Variants in GNG4 observed in about 807,000 individuals in gnomAD.
The protein encoded by GNG4 is G protein subunit gamma 4.
A neutral mutation model predicts 5.8 loss-of-function variants in GNG4; 4 were observed. The observed-to-expected ratio is 0.69, with a 90% confidence interval of 0.34 to 1.57. The LOEUF is 1.57. GNG4 is among the 40% of genes most tolerant of loss of function. GNG4 has a pLI of 0.06. For missense variants in GNG4, 96 were observed against 95.1 expected, an observed-to-expected ratio of 1.01 and a Z score of -0.04; for synonymous variants, 29 against 32.9, an observed-to-expected ratio of 0.88 and a Z score of 0.41.
intron 3 of GNG4, among the ~76,000 whole-genome samples, chr1:235,565,299 G>A (rs866331793): frequency 6.6e-6 from 1 of 151,930 alleles, no homozygotes; most frequent in East Asian, 1.9e-4. Flanking sequence ...TCAGGAGTTC[G>A]AAACCAGCCT....
At position 235,623,812 on chromosome 1, in the gene GNG4, G is replaced by A. The variant is rs1047132742; in HGVS notation, c.-123+25850C>T. Among the ~76,000 whole-genome samples, 39 of 152,302 alleles carry A rather than the reference G, an allele frequency of 2.6e-4. 1 individual carries two copies. Among genetic ancestry groups the A allele is most frequent in the African/African-American group, 8.9e-4 (37 of 41,556 alleles). On this transcript the variant is annotated intron_variant, in intron 1 of 3. Transcript: ENST00000391854. ...TCCCCAGCAACCAGCAGCTGGGGTAGGAGAAAGACCTCCTCTTTCATGCAC... is the reference window on the plus strand; with the variant it reads ...TCCCCAGCAACCAGCAGCTGGGGTAAGAGAAAGACCTCCTCTTTCATGCAC...
In GNG4 at chr1:235,649,634, C is replaced by A. The variant is rs557305874; in HGVS notation, c.-123+28G>T. 2 of 152,288 alleles carry A rather than the reference C, an allele frequency of 1.3e-5. No homozygotes were observed. Among genetic ancestry groups the A allele is most frequent in the East Asian group, 3.9e-4 (2 of 5,166 alleles). 9.4% of individuals were successfully genotyped at this position (152,288 alleles called of 1,614,324 possible). On this transcript the variant is annotated intron_variant, in intron 1 of 3. Transcript: ENST00000391854. This position sits in a 1 kb window ranked among gnomAD's most constrained non-coding sequence, Gnocchi z 5.7. ...CGGGCTGGGCTCTCCCCGCGGACAC[C>A]CGGGGCTCCGGCCGGGCGCCCACTT... is the stretch of plus-strand genomic sequence containing the variant.
intron 3 of GNG4, among the ~76,000 whole-genome samples, chr1:235,556,005 T>G (rs968236235): frequency 6.6e-6 from 1 of 151,930 alleles, no homozygotes. Context: ...TAGCTGGGGT[T>G]ACAGGCTCCT....
chr1:235,597,257 T>C (rs1023803907), intron 1 of GNG4, among the ~76,000 whole-genome samples: 7 of 152,226 alleles, frequency 4.6e-5, no homozygotes, highest in African/African-American at 7.2e-5. Flanking sequence ...CCGACAAGAA[T>C]AAGCTGACAG....
intron 1 of GNG4, among the ~76,000 whole-genome samples, chr1:235,603,045 TC>T (rs1246541892): frequency 6.6e-6 from 1 of 151,948 alleles, no homozygotes; most frequent in Admixed American, 6.6e-5. Flanking sequence ...GAGTTCCAGA[TC>T]AGCCTGGCCA....
At chr1:235,587,610 G>T (rs1571897443) in intron 2 of GNG4, among the ~76,000 whole-genome samples, 2 of 125,452 alleles carry the variant, frequency 1.6e-5, no homozygotes, top group Non-Finnish European at 3.4e-5. Flanking sequence ...AGGGCATGGG[G>T]TGGGGTGTGT....
intron 1 of GNG4, among the ~76,000 whole-genome samples, chr1:235,603,661 G>A (rs529686179): frequency 6.6e-6 from 1 of 152,194 alleles, no homozygotes; most frequent in Non-Finnish European, 1.5e-5. Flanking sequence ...TTGAGTGCCC[G>A]ATAGCATCCA....
chr1:235,580,742 T>TG (rs1687610978), intron 3 of GNG4, among the ~76,000 whole-genome samples: 1 of 129,886 alleles, frequency 7.7e-6, no homozygotes, highest in African/African-American at 3.8e-5. Context: ...CTATCCCGTT[T>TG]TTTGTTTTTT....
Position 235,618,368 on chromosome 1 carries a change from C to T in GNG4, c.-122-22857G>A, listed in dbSNP as rs113297437. 7.6e-3 allele frequency among the ~76,000 whole-genome samples: 1,155 copies of T among 152,298 alleles called. 24 individuals carry two copies. The highest frequency in any genetic ancestry group is 0.027 in the African/African-American group (1,110 of 41,554). On this transcript the variant is annotated intron_variant, in intron 1 of 3. Coordinates refer to ENST00000391854, the MANE Select transcript of GNG4 (RefSeq NM_001098722.2). ...GCTCTGATTCTGCCCAGAAAATGGA[C>T]GGATATACTTGTCTGTAAAACCGTG...
intron 3 of GNG4, among the ~76,000 whole-genome samples, chr1:235,555,319 C>A (rs1195218157): frequency 2.0e-5 from 3 of 152,120 alleles, no homozygotes; most frequent in South Asian, 2.1e-4. Flanking sequence ...CAGAATAGAT[C>A]ATCTCTTGTG....
intron 2 of GNG4, among the ~76,000 whole-genome samples, chr1:235,593,179 C>T (rs1429212168): frequency 1.3e-5 from 2 of 152,156 alleles, no homozygotes; most frequent in Non-Finnish European, 2.9e-5. Context: ...GAACTCCTGA[C>T]CTCAGGTCAT....
intron 1 of GNG4, among the ~76,000 whole-genome samples, chr1:235,601,543 G>A (rs902219660): frequency 3.3e-5 from 5 of 152,198 alleles, no homozygotes; most frequent in African/African-American, 1.2e-4. Context: ...AGGTGCTGAG[G>A]GAGAGATGTA....
chr1:235,593,873 C>T (rs1420604297), intron 2 of GNG4, among the ~76,000 whole-genome samples: 1 of 152,154 alleles, frequency 6.6e-6, no homozygotes, highest in Non-Finnish European at 1.5e-5. Flanking sequence ...TGAGCAGCAG[C>T]AGAATTTGTT....
rs1030295464 is a variant in GNG4 at position 235,649,478 on chromosome 1, G to A, written c.-123+184C>T. ...CCGGCGGGAGGTCCCGGGAGAGGAG[G>A]CCGAGGGAACCACAGGTCTTTGTGT... On this transcript the variant is annotated intron_variant, in intron 1 of 3. Transcript: ENST00000391854. This position sits in a 1 kb window ranked among gnomAD's most constrained non-coding sequence, Gnocchi z 5.7. Among the ~76,000 whole-genome samples, 2 of 152,108 alleles carry A rather than the reference G, an allele frequency of 1.3e-5. No homozygotes were observed. The highest frequency in any genetic ancestry group is 2.9e-5 in the Non-Finnish European group (2 of 67,994).
chr1:235,626,997 A>AAAG (rs1688829915), intron 1 of GNG4, among the ~76,000 whole-genome samples: 5 of 135,584 alleles, frequency 3.7e-5, no homozygotes, highest in African/African-American at 1.2e-4. Context: ...AAAAAAAAAA[A>AAAG]AAGAACTTAG....
intron 1 of GNG4, among the ~76,000 whole-genome samples, chr1:235,600,123 T>TC (rs1688224774): frequency 7.5e-6 from 1 of 134,044 alleles, no homozygotes; most frequent in African/African-American, 2.8e-5. Flanking sequence ...TTTTTTTTTT[T>TC]TTTTTTAGAC....
At chr1:235,556,787 TTCACCATAATGCAGAA>T (rs1686921936) in intron 3 of GNG4, among the ~76,000 whole-genome samples, 1 of 151,940 alleles carries the variant, frequency 6.6e-6, no homozygotes, top group Non-Finnish European at 1.5e-5. Flanking sequence ...TTATATACAA[TTCACCATAATGCAGAA>T]TCAATGGGAG....
chr1:235,610,985 G>T (rs1205228344), intron 1 of GNG4, among the ~76,000 whole-genome samples: 1 of 152,198 alleles, frequency 6.6e-6, no homozygotes, highest in African/African-American at 2.4e-5. Flanking sequence ...CTACGCAGGA[G>T]GCTGAGGCAG....
At position 235,606,263 on chromosome 1, in the gene GNG4, C is replaced by T. The variant is rs1012838702; in HGVS notation, c.-122-10752G>A. Among the ~76,000 whole-genome samples, 14 of 152,112 alleles carry T rather than the reference C, an allele frequency of 9.2e-5. 1 individual carries two copies. Among genetic ancestry groups the T allele is most frequent in the Admixed American group, 9.2e-4 (14 of 15,266 alleles). The stretch of plus-strand genomic sequence containing the variant: ...CAGGCATGGTGGCATGCACCTGTAA[C>T]CCCAGCTACTCGGGAGGCTGAGGAA... On this transcript the variant is annotated intron_variant, in intron 1 of 3. Transcript: ENST00000391854.
Sources: gnomAD v4.1 joint callset for allele counts (sites outside exome capture counted in the v4.1 genomes callset) on GRCh38, gnomAD v4.1.1 for gene constraint, Gnocchi (gnomAD v3.1) non-coding constraint, MANE v1.5 for transcripts, NCBI Gene and HGNC (gene_info 2026-07-23, HGNC 2026-07-21) for gene names.